PTPRN2: variants seen among roughly 807,000 people sequenced by gnomAD.
PTPRN2 encodes the protein protein tyrosine phosphatase receptor type N2.
PTPRN2 carries 74 observed loss-of-function variants against 118.8 expected under a neutral mutation model. The observed-to-expected ratio is 0.62, with a 90% CI of 0.52 to 0.76. PTPRN2 has a LOEUF of 0.76. Among genes scored for constraint, PTPRN2 ranks in the 30% least tolerant of loss-of-function variants. PTPRN2 has a pLI of 0.00. For missense variants in PTPRN2, 1,481 were observed against 1,394.4 expected (o/e 1.06, Z -0.99); for synonymous variants, 641 against 608.0 (o/e 1.05, Z -0.80).
intron 11 of PTPRN2, among the ~76,000 whole-genome samples, chr7:158,053,882 CAG>C (rs1407180048): frequency 4.0e-5 from 6 of 150,114 alleles, no homozygotes; most frequent in African/African-American, 1.2e-4. Context: ...CCCAGAGATG[CAG>C]AGACCCCAGA....
chr7:157,964,954 T>C lies in PTPRN2; in HGVS notation c.1724-66217A>G, dbSNP rs897204281. Among the ~76,000 whole-genome samples the C allele has an allele frequency of 1.3e-5, 2 of 152,096 alleles. No individual in the cohort carries two copies. Among genetic ancestry groups the C allele is most frequent in the African/African-American group, 4.8e-5 (2 of 41,414 alleles). On this transcript the variant is annotated intron_variant, in intron 11 of 22. Transcript: ENST00000389418. This position sits in a 1 kb window ranked among gnomAD's most constrained non-coding sequence, Gnocchi z 9.0. ...TTCAACAGAGACCTTTGGGAGTGAG[T>C]GTCAGTGCCGTAGCGGAACACAGGG...
intron 11 of PTPRN2, among the ~76,000 whole-genome samples, chr7:158,017,714 T>TG (rs917398877): frequency 3.9e-5 from 6 of 152,102 alleles, no homozygotes; most frequent in Non-Finnish European, 7.4e-5. Context: ...CAGAGGGGTC[T>TG]GGGGTGCTAC....
At chr7:158,263,840 A>C (rs919832527) in intron 3 of PTPRN2, among the ~76,000 whole-genome samples, 2 of 152,194 alleles carry the variant, frequency 1.3e-5, no homozygotes, top group Non-Finnish European at 2.9e-5. Context: ...AAAATGTGAA[A>C]GCAAGGCTGC....
chr7:158,112,163 G>A (rs559268274), intron 9 of PTPRN2, among the ~76,000 whole-genome samples: 31 of 152,226 alleles, frequency 2.0e-4, no homozygotes, highest in Admixed American at 4.6e-4. Context: ...GGAAGTGTGC[G>A]CCAGCAGCCC....
intron 2 of PTPRN2, among the ~76,000 whole-genome samples, chr7:158,459,493 C>T (rs914990763): frequency 1.3e-5 from 2 of 152,206 alleles, no homozygotes; most frequent in Non-Finnish European, 2.9e-5. Flanking sequence ...TCTGCACCAC[C>T]CCTACCTATT....
At chr7:158,471,491 C>A (rs1008661583) in intron 2 of PTPRN2, among the ~76,000 whole-genome samples, 1 of 152,142 alleles carries the variant, frequency 6.6e-6, no homozygotes, top group African/African-American at 2.4e-5. Flanking sequence ...AGATCGAGAC[C>A]AACCTGGCCA....
In PTPRN2 at chr7:157,945,172, G is replaced by A. The variant is rs890949189; in HGVS notation, c.1724-46435C>T. ...GCAGGGATGCGGAGGCCCCAGTGCT[G>A]GGTGTTCAGGGCTGACTCCTCCCTC... On this transcript the variant is annotated intron_variant, in intron 11 of 22. Transcript: ENST00000389418. Among the ~76,000 whole-genome samples the A allele has an allele frequency of 2.6e-5, 4 of 152,126 alleles. No homozygotes were observed. In the East Asian group the frequency reaches 5.8e-4, roughly 22 times the overall value.
At chr7:157,806,958 A>G (rs1805673074) in intron 12 of PTPRN2, among the ~76,000 whole-genome samples, 1 of 152,214 alleles carries the variant, frequency 6.6e-6, no homozygotes, top group Non-Finnish European at 1.5e-5. Flanking sequence ...TCTGAGCATC[A>G]GCTCCTCTGT....
At chr7:158,379,706 A>G (rs1354015896) in intron 2 of PTPRN2, among the ~76,000 whole-genome samples, 4 of 152,212 alleles carry the variant, frequency 2.6e-5, no homozygotes, top group Non-Finnish European at 5.9e-5. Context: ...AGAAGGCCAA[A>G]GTCAGTAGAC....
chr7:158,136,403 A>G (rs1382345146), intron 8 of PTPRN2, among the ~76,000 whole-genome samples: 1 of 152,144 alleles, frequency 6.6e-6, no homozygotes, highest in Admixed American at 6.5e-5. Flanking sequence ...TCTTCTTTGC[A>G]TTTACCACGA....
intron 12 of PTPRN2, among the ~76,000 whole-genome samples, chr7:157,849,248 G>A (rs763362035): frequency 5.9e-5 from 9 of 152,204 alleles, no homozygotes; most frequent in Non-Finnish European, 7.3e-5. Flanking sequence ...GCTGGAGTTC[G>A]CGGTGCCTTT....
At chr7:157,933,895 T>C (rs944562071) in intron 11 of PTPRN2, among the ~76,000 whole-genome samples, 20 of 150,620 alleles carry the variant, frequency 1.3e-4, no homozygotes, top group Admixed American at 4.0e-4. Context: ...GAGGGATGAG[T>C]CACCCTGATT....
At chr7:158,459,163 A>C (rs1356099630) in intron 2 of PTPRN2, among the ~76,000 whole-genome samples, 3 of 150,260 alleles carry the variant, frequency 2.0e-5, no homozygotes, top group Non-Finnish European at 4.4e-5. Context: ...GAAGACACCA[A>C]GGCTTGAGGC....
intron 1 of PTPRN2, among the ~76,000 whole-genome samples, chr7:158,556,924 TCAGGC>T (rs1182931520): frequency 2.4e-5 from 3 of 126,892 alleles, no homozygotes; most frequent in African/African-American, 3.1e-5. Context: ...CCCACGCAGG[TCAGGC>T]GGCTCCCGCG....
intron 1 of PTPRN2, chr7:158,532,802 G>T (rs758846227): frequency 7.5e-6 from 4 of 534,704 alleles, no homozygotes; most frequent in South Asian, 1.4e-5. Flanking sequence ...TTAAATGCGT[G>T]CAGGCTTCCG....
At chr7:158,239,934 G>A (rs1012183643) in intron 3 of PTPRN2, among the ~76,000 whole-genome samples, 3 of 152,164 alleles carry the variant, frequency 2.0e-5, no homozygotes, top group Non-Finnish European at 4.4e-5. Flanking sequence ...AGGGTGTGGT[G>A]CGGGCAATAC....
chr7:158,079,589 T>C (rs1812637756), intron 11 of PTPRN2, among the ~76,000 whole-genome samples: 1 of 152,228 alleles, frequency 6.6e-6, no homozygotes, highest in African/African-American at 2.4e-5. Flanking sequence ...GTGGCATTGC[T>C]CCCCAGTACT....
chr7:158,373,213 C>T (rs1198705546), intron 2 of PTPRN2, among the ~76,000 whole-genome samples: 5 of 152,220 alleles, frequency 3.3e-5, no homozygotes, highest in African/African-American at 9.6e-5. Flanking sequence ...CCGTACGCTG[C>T]GGAATCGCAT....
chr7:157,666,897 GC>G (rs1487844982), intron 13 of PTPRN2, among the ~76,000 whole-genome samples: 5 of 149,560 alleles, frequency 3.3e-5, no homozygotes, highest in Non-Finnish European at 1.5e-5. Context: ...ATGAGTACGA[GC>G]CCTGGCTTGC....
Sources: allele counts gnomAD v4.1 joint callset (sites outside exome capture counted in the v4.1 genomes callset), GRCh38; gene constraint gnomAD v4.1.1; non-coding constraint Gnocchi (gnomAD v3.1); transcripts MANE v1.5; gene names NCBI Gene and HGNC (gene_info 2026-07-23, HGNC 2026-07-21).